Variants in CNKSR2 observed in about 807,000 individuals in gnomAD.
CNKSR2 encodes connector enhancer of kinase suppressor of Ras 2.
In CNKSR2, 14 loss-of-function variants were observed where a neutral mutation model predicts 84.4. The ratio of observed to expected loss-of-function variants is 0.17; its 90% CI spans 0.11 to 0.26. CNKSR2 has a LOEUF of 0.26. CNKSR2 is among the 10% of genes least tolerant of loss of function. CNKSR2 has a pLI of 1.00. For missense variants in CNKSR2, 485 were observed against 771.2 expected, an observed-to-expected ratio of 0.63 and a Z score of 4.40; for synonymous variants, 275 against 277.9, an observed-to-expected ratio of 0.99 and a Z score of 0.10.
intron 7 of CNKSR2, among the ~76,000 whole-genome samples, chrX:21,498,805 C>T: frequency 9.1e-6 from 1 of 109,364 alleles, no homozygotes; most frequent in Non-Finnish European, 1.9e-5. Context: ...AGGTACTGAG[C>T]TTTGAATGTA....
At chrX:21,422,770 G>A (rs2090515434) in intron 1 of CNKSR2, among the ~76,000 whole-genome samples, 1 of 110,558 alleles carries the variant, frequency 9.0e-6, no homozygotes, top group Non-Finnish European at 1.9e-5. Flanking sequence ...TGAGGTGATG[G>A]ATATTCCAAT....
At chrX:21,575,235 G>A (rs1000854052) in intron 13 of CNKSR2, among the ~76,000 whole-genome samples, 1 of 111,137 alleles carries the variant, frequency 9.0e-6, no homozygotes, top group Non-Finnish European at 1.9e-5. Context: ...TTTGGTGAAT[G>A]CTAGTCCACA....
Position 21,652,673 on chromosome X carries a change from A to G in CNKSR2, c.*152A>G. 5 of 434,912 alleles carry G rather than the reference A, an allele frequency of 1.1e-5. 1 individual carries two copies. In the South Asian group the frequency reaches 1.6e-4, roughly 14 times the overall value. 35.8% of individuals were successfully genotyped at this position (434,912 alleles called of 1,213,427 possible). A position where few individuals can be genotyped will look rare whatever the true frequency, so the allele number is the denominator to read the frequency against. ...AACCATATATGGTCACAATACCACT[A>G]TCTTTAATGAGCATTTGTATATTTT... is the stretch of plus-strand genomic sequence containing the variant. On this transcript the variant is annotated 3_prime_UTR_variant, in exon 22 of 22. Coordinates refer to ENST00000379510, the MANE Select transcript of CNKSR2 (RefSeq NM_014927.5).
intron 8 of CNKSR2, among the ~76,000 whole-genome samples, chrX:21,514,666 G>A (rs1339334968): frequency 9.0e-6 from 1 of 111,490 alleles, no homozygotes; most frequent in Non-Finnish European, 1.9e-5. Context: ...ATAAATCATT[G>A]AGAATAGTTA....
intron 11 of CNKSR2, among the ~76,000 whole-genome samples, chrX:21,547,945 T>G (rs890173461): frequency 1.8e-5 from 2 of 111,889 alleles, no homozygotes; most frequent in Non-Finnish European, 3.8e-5. Context: ...AGAGGGAAAT[T>G]TATAGCACTA....
Position 21,461,008 on chromosome X carries a change from TC to T in CNKSR2, c.520-9757del, listed in dbSNP as rs1448397723. Among the ~76,000 whole-genome samples the T allele has an allele frequency of 3.5e-5, 4 of 112,865 alleles. No homozygotes were observed. In the East Asian group the frequency reaches 1.1e-3, roughly 31 times the overall value. ...TGCAAAAAACATGAAAGTGCAGATA[TC>T]TTTTTAATATCCTGATTTCCTTTCC... On this transcript the variant is annotated intron_variant, in intron 4 of 21. Transcript: ENST00000379510.
chrX:21,541,298 T>C (rs1028232343), intron 11 of CNKSR2, among the ~76,000 whole-genome samples: 2 of 111,910 alleles, frequency 1.8e-5, no homozygotes, highest in Non-Finnish European at 3.8e-5. Context: ...ATCTTAATAG[T>C]AGCTTTTAAA....
chrX:21,533,564 T>C (rs1299649468), intron 11 of CNKSR2, among the ~76,000 whole-genome samples: 1 of 111,457 alleles, frequency 9.0e-6, no homozygotes, highest in Non-Finnish European at 1.9e-5. Context: ...CTTACTCGAA[T>C]GGCTATAAAT....
intron 11 of CNKSR2, among the ~76,000 whole-genome samples, chrX:21,558,538 C>T (rs1168730762): frequency 9.5e-6 from 1 of 105,152 alleles, no homozygotes; most frequent in East Asian, 2.9e-4. Context: ...TAGTAATATA[C>T]AGTATAATTC....
intron 20 of CNKSR2, among the ~76,000 whole-genome samples, chrX:21,632,704 A>G (rs1447094388): frequency 8.9e-6 from 1 of 111,772 alleles, no homozygotes; most frequent in African/African-American, 3.3e-5. Context: ...GAGATTTCCT[A>G]AATTTGTCAC....
intron 20 of CNKSR2, among the ~76,000 whole-genome samples, chrX:21,616,325 A>T (rs1001542213): frequency 8.9e-6 from 1 of 112,095 alleles, no homozygotes; most frequent in Non-Finnish European, 1.9e-5. Context: ...TATATGGCCC[A>T]TAGTAGCCCA....
In CNKSR2 at chrX:21,653,494, A is replaced by T. The variant is rs1009258005; in HGVS notation, c.*973A>T. 1 of 110,361 alleles carries T rather than the reference A, an allele frequency of 9.1e-6. No individual in the cohort carries two copies. The highest frequency in any genetic ancestry group is 1.9e-5 in the Non-Finnish European group (1 of 52,922). The allele number at this position is 110,361 out of a possible 1,213,427, so 9.1% of individuals were successfully genotyped here. On this transcript the variant is annotated 3_prime_UTR_variant, in exon 22 of 22. Transcript: ENST00000379510. ...CTAGTCCACTAATTAAACTTAGGTA[A>T]TTATACTTCAGGTAGGGAAGTACAA...
At chrX:21,561,040 A>G (rs1399999960) in intron 11 of CNKSR2, among the ~76,000 whole-genome samples, 1 of 110,493 alleles carries the variant, frequency 9.1e-6, no homozygotes, top group Non-Finnish European at 1.9e-5. Flanking sequence ...AACTTGAAAC[A>G]GTGGGTTAAT....
intron 20 of CNKSR2, among the ~76,000 whole-genome samples, chrX:21,636,516 A>G (rs2092672963): frequency 9.0e-6 from 1 of 111,177 alleles, no homozygotes; most frequent in Non-Finnish European, 1.9e-5. Flanking sequence ...GTCCACCTAC[A>G]TTGCTGAAAG....
chrX:21,586,567 G>C (rs765428767), intron 13 of CNKSR2, among the ~76,000 whole-genome samples: 5 of 111,694 alleles, frequency 4.5e-5, no homozygotes, highest in Admixed American at 1.9e-4. Flanking sequence ...AAAGCGTCTA[G>C]AGAAAATTAA....
At chrX:21,431,226 G>T (rs1361846019) in intron 2 of CNKSR2, among the ~76,000 whole-genome samples, 1 of 111,703 alleles carries the variant, frequency 9.0e-6, no homozygotes, top group Admixed American at 9.6e-5. Flanking sequence ...CCCAGTGATT[G>T]TTGACTTAAT....
intron 1 of CNKSR2, among the ~76,000 whole-genome samples, chrX:21,417,457 A>G (rs1047262836): frequency 3.6e-5 from 4 of 111,259 alleles, no homozygotes; most frequent in Non-Finnish European, 7.6e-5. Context: ...ATAAACTCCA[A>G]CGTTTCTTGG....
intron 1 of CNKSR2, among the ~76,000 whole-genome samples, chrX:21,384,836 A>G (rs1447903297): frequency 9.0e-6 from 1 of 111,712 alleles, no homozygotes; most frequent in Non-Finnish European, 1.9e-5. Context: ...GGTTCTTCTC[A>G]TTCACCCAAA....
chrX:21,653,148 C>A lies in CNKSR2; in HGVS notation c.*627C>A, dbSNP rs935716580. The A allele has an allele frequency of 5.4e-5, 6 of 111,245 alleles. No individual in the cohort carries two copies. The highest frequency in any genetic ancestry group is 2.0e-4 in the African/African-American group (6 of 30,734). The allele number at this position is 111,245 out of a possible 1,213,427, so 9.2% of individuals were successfully genotyped here. On this transcript the variant is annotated 3_prime_UTR_variant, in exon 22 of 22. Transcript: ENST00000379510. ...AGCTAAGTTAATGGAAATATTATTC[C>A]AAATCTATGAGAACACTTGGTGTAT...
Sources: gnomAD v4.1 joint callset for allele counts (sites outside exome capture counted in the v4.1 genomes callset) on GRCh38, gnomAD v4.1.1 for gene constraint, MANE v1.5 for transcripts, NCBI Gene and HGNC (gene_info 2026-07-23, HGNC 2026-07-21) for gene names.